The following TMCC1 variants were observed in gnomAD, a reference collection of about 807,000 sequenced individuals.
The protein encoded by TMCC1 is transmembrane and coiled-coil domain family 1.
Under a neutral mutation model 52.4 loss-of-function variants are expected in TMCC1, and 15 were observed. The ratio of observed to expected loss-of-function variants is 0.29; its 90% CI spans 0.19 to 0.44. TMCC1 has a LOEUF of 0.44. Among genes scored for constraint, TMCC1 ranks in the 20% least tolerant of loss-of-function variants. The pLI is 1.00. For missense variants in TMCC1, 503 were observed against 806.0 expected (o/e 0.62, Z 4.55); for synonymous variants, 279 against 301.9 (o/e 0.92, Z 0.79).
intron 2 of TMCC1, among the ~76,000 whole-genome samples, chr3:129,876,247 T>C (rs1211756842): frequency 7.2e-6 from 1 of 138,164 alleles, no homozygotes; most frequent in Non-Finnish European, 1.6e-5. Flanking sequence ...ATGACTTAAG[T>C]AAGCACTAGT....
intron 4 of TMCC1, among the ~76,000 whole-genome samples, chr3:129,786,398 T>G (rs2056036787): frequency 6.6e-6 from 1 of 152,200 alleles, no homozygotes; most frequent in South Asian, 2.1e-4. Context: ...TCCAGGAGTA[T>G]GCACCAGACT....
intron 4 of TMCC1, among the ~76,000 whole-genome samples, chr3:129,704,910 C>T (rs921867420): frequency 2.0e-5 from 3 of 152,152 alleles, no homozygotes; most frequent in Non-Finnish European, 2.9e-5. Flanking sequence ...CTTGATTGAG[C>T]TGATTCAATG....
rs554525222 is a variant in TMCC1 at position 129,658,462 on chromosome 3, G to A, written c.1512-3359C>T. On this transcript the variant is annotated intron_variant, in intron 5 of 6. Coordinates refer to ENST00000393238, the MANE Select transcript of TMCC1 (RefSeq NM_001017395.5). ...GCTTAAATCAAACCATTGTTAGCCAGGGACTGTCTGTACAACAACATGTAT... is the reference window on the plus strand; with the variant it reads ...GCTTAAATCAAACCATTGTTAGCCAAGGACTGTCTGTACAACAACATGTAT... Among the ~76,000 whole-genome samples, 24 of 152,294 alleles carry A rather than the reference G, an allele frequency of 1.6e-4. No homozygotes were observed. In the South Asian group the frequency reaches 4.8e-3, roughly 30 times the overall value.
chr3:129,777,547 T>C (rs571043605), intron 4 of TMCC1, among the ~76,000 whole-genome samples: 2 of 152,298 alleles, frequency 1.3e-5, no homozygotes, highest in South Asian at 4.1e-4. Flanking sequence ...TGCAAGGTAA[T>C]GTGACTCCCA....
At chr3:129,831,061 A>G (rs891105829) in intron 3 of TMCC1, among the ~76,000 whole-genome samples, 1 of 152,058 alleles carries the variant, frequency 6.6e-6, no homozygotes, top group African/African-American at 2.4e-5. Flanking sequence ...CAGCCTCCAG[A>G]GTAGCTAGGA....
intron 2 of TMCC1, among the ~76,000 whole-genome samples, chr3:129,867,269 C>T (rs1010862348): frequency 3.9e-5 from 6 of 152,156 alleles, no homozygotes; most frequent in Non-Finnish European, 7.4e-5. Flanking sequence ...CACAAATGTA[C>T]GATTCAAGTA....
chr3:129,707,293 A>C (rs1196472670), intron 4 of TMCC1, among the ~76,000 whole-genome samples: 1 of 152,246 alleles, frequency 6.6e-6, no homozygotes, highest in Non-Finnish European at 1.5e-5. Flanking sequence ...GCTTATATTA[A>C]AAAGTGGAGA....
chr3:129,684,649 G>A (rs1180712942), intron 4 of TMCC1, among the ~76,000 whole-genome samples: 1 of 152,184 alleles, frequency 6.6e-6, no homozygotes, highest in Non-Finnish European at 1.5e-5. Flanking sequence ...CATGTGATGA[G>A]CAATGGAAAG....
intron 4 of TMCC1, among the ~76,000 whole-genome samples, chr3:129,772,587 G>GCCAC (rs2054680292): frequency 6.6e-6 from 1 of 151,556 alleles, no homozygotes; most frequent in African/African-American, 2.4e-5. Flanking sequence ...GCTGGGTGTG[G>GCCAC]TGGCGGGCAC....
chr3:129,742,814 T>G (rs2051579163), intron 4 of TMCC1, among the ~76,000 whole-genome samples: 2 of 152,132 alleles, frequency 1.3e-5, no homozygotes, highest in Non-Finnish European at 2.9e-5. Flanking sequence ...TAATAGAATA[T>G]GATTTTGCAG....
At chr3:129,750,479 A>G (rs1165142517) in intron 4 of TMCC1, among the ~76,000 whole-genome samples, 1 of 151,866 alleles carries the variant, frequency 6.6e-6, no homozygotes, top group African/African-American at 2.4e-5. Context: ...GGCATGAGCC[A>G]CCGTGCTCAG....
chr3:129,892,433 C>A (rs1256592533), intron 1 of TMCC1: 2 of 152,180 alleles, frequency 1.3e-5, no homozygotes, highest in Non-Finnish European at 2.9e-5. Context: ...GAGTTTCAAT[C>A]TCCTAATATA....
intron 2 of TMCC1, among the ~76,000 whole-genome samples, chr3:129,876,545 G>T (rs2061223787): frequency 6.6e-6 from 1 of 152,028 alleles, no homozygotes; most frequent in Admixed American, 6.6e-5. Flanking sequence ...TATAATCTCA[G>T]CATTTTAGAA....
At chr3:129,772,736 A>C (rs1206244588) in intron 4 of TMCC1, among the ~76,000 whole-genome samples, 6 of 151,548 alleles carry the variant, frequency 4.0e-5, no homozygotes, top group East Asian at 1.9e-4. Context: ...AAAAAAAAAA[A>C]AAAAAAAACT....
chr3:129,800,774 C>CT (rs1576901527), intron 4 of TMCC1, among the ~76,000 whole-genome samples: 1 of 152,128 alleles, frequency 6.6e-6, no homozygotes, highest in East Asian at 1.9e-4. Flanking sequence ...TACAACCATT[C>CT]ATTCCATTAC....
At chr3:129,785,948 T>TTG (rs2055996372) in intron 4 of TMCC1, among the ~76,000 whole-genome samples, 1 of 151,026 alleles carries the variant, frequency 6.6e-6, no homozygotes. Flanking sequence ...TTTTTTTTTT[T>TTG]TTTTAAGACA....
intron 4 of TMCC1, among the ~76,000 whole-genome samples, chr3:129,749,225 A>G (rs1343766670): frequency 2.6e-5 from 4 of 152,136 alleles, no homozygotes; most frequent in Admixed American, 6.5e-5. Flanking sequence ...ACAACACTGT[A>G]CACGAGTAAA....
chr3:129,741,419 T>C (rs527818548), intron 4 of TMCC1, among the ~76,000 whole-genome samples: 3 of 152,308 alleles, frequency 2.0e-5, no homozygotes, highest in African/African-American at 7.2e-5. Flanking sequence ...GATTGAGGCT[T>C]GCAAAAGTCC....
At chr3:129,883,365 C>T (rs1191860217) in intron 1 of TMCC1, among the ~76,000 whole-genome samples, 1 of 151,964 alleles carries the variant, frequency 6.6e-6, no homozygotes, top group Non-Finnish European at 1.5e-5. Context: ...GTAATCCCAG[C>T]ACTTTGGGAG....
Sources: gnomAD v4.1 joint callset for allele counts (sites outside exome capture counted in the v4.1 genomes callset) on GRCh38, gnomAD v4.1.1 for gene constraint, MANE v1.5 for transcripts, NCBI Gene and HGNC (gene_info 2026-07-23, HGNC 2026-07-21) for gene names.